The following FARS2 variants were observed in gnomAD, a reference collection of about 807,000 sequenced individuals.
FARS2 encodes the protein phenylalanine--tRNA ligase, mitochondrial.
Under a neutral mutation model 46.4 loss-of-function variants are expected in FARS2, and 40 were observed. The observed-to-expected ratio is 0.86, with a 90% CI of 0.67 to 1.12. The LOEUF (loss-of-function observed/expected upper bound fraction) is 1.12. Among genes scored for constraint, FARS2 ranks in the 50% most tolerant of loss-of-function variants. The pLI, the probability that FARS2 is intolerant of heterozygous loss-of-function variation, is 0.00. For missense variants in FARS2, 513 were observed against 567.9 expected, an observed-to-expected ratio of 0.90 and a Z score of 0.98; for synonymous variants, 234 against 214.9, an observed-to-expected ratio of 1.09 and a Z score of -0.78.
At chr6:5,724,908 G>T (rs1433178830) in intron 6 of FARS2, among the ~76,000 whole-genome samples, 9 of 152,236 alleles carry the variant, frequency 5.9e-5, no homozygotes, top group Non-Finnish European at 1.2e-4. Flanking sequence ...ACCATGCCAG[G>T]CAGCAGACAA....
intron 4 of FARS2, among the ~76,000 whole-genome samples, chr6:5,455,752 AG>A (rs1392870586): frequency 6.6e-6 from 1 of 152,176 alleles, no homozygotes; most frequent in Non-Finnish European, 1.5e-5. Context: ...CCTGGACAAT[AG>A]TTTTTTAACT....
chr6:5,328,674 G>A (rs1387472736), intron 1 of FARS2, among the ~76,000 whole-genome samples: 2 of 151,830 alleles, frequency 1.3e-5, no homozygotes, highest in African/African-American at 4.8e-5. Flanking sequence ...ATGGTATCTC[G>A]GTGACTCCTA....
chr6:5,754,120 C>T (rs1282379821), intron 6 of FARS2, among the ~76,000 whole-genome samples: 1 of 152,082 alleles, frequency 6.6e-6, no homozygotes, highest in Non-Finnish European at 1.5e-5. Flanking sequence ...TTATTTTGTT[C>T]CAGGCACTGT....
At chr6:5,282,604 C>T (rs1435515583) in intron 1 of FARS2, among the ~76,000 whole-genome samples, 1 of 152,144 alleles carries the variant, frequency 6.6e-6, no homozygotes, top group Non-Finnish European at 1.5e-5. Flanking sequence ...CGATTTAGTC[C>T]CTGGAAGAGA....
intron 4 of FARS2, among the ~76,000 whole-genome samples, chr6:5,445,590 G>GT (rs1764137727): frequency 6.6e-6 from 1 of 152,158 alleles, no homozygotes. Flanking sequence ...ATATTACTGG[G>GT]TGATTCTCAG....
At chr6:5,741,449 G>T (rs911813673) in intron 6 of FARS2, among the ~76,000 whole-genome samples, 1 of 152,142 alleles carries the variant, frequency 6.6e-6, no homozygotes, top group Non-Finnish European at 1.5e-5. Context: ...CTATGTACAG[G>T]ATTAGAATGC....
At chr6:5,669,448 C>G (rs185677207) in intron 6 of FARS2, among the ~76,000 whole-genome samples, 1 of 151,500 alleles carries the variant, frequency 6.6e-6, no homozygotes, top group East Asian at 1.9e-4. Flanking sequence ...GTTAGTGTGC[C>G]TCAAGATAAG....
chr6:5,303,745 A>G (rs1295062378), intron 1 of FARS2, among the ~76,000 whole-genome samples: 1 of 152,038 alleles, frequency 6.6e-6, no homozygotes. Flanking sequence ...TAACCAAATG[A>G]TTGTACAGCC....
chr6:5,490,014 C>T (rs1767006326), intron 4 of FARS2, among the ~76,000 whole-genome samples: 1 of 152,108 alleles, frequency 6.6e-6, no homozygotes, highest in Non-Finnish European at 1.5e-5. Flanking sequence ...ACAGAGAGTT[C>T]TCTCACCCTA....
chr6:5,748,274 C>T (rs1761750414), intron 6 of FARS2, among the ~76,000 whole-genome samples: 1 of 152,174 alleles, frequency 6.6e-6, no homozygotes, highest in Non-Finnish European at 1.5e-5. Context: ...AAAATGACAC[C>T]TCTCATTTTT....
At position 5,370,738 on chromosome 6, in the gene FARS2, G is replaced by A. The variant is rs189907728; in HGVS notation, c.612+1556G>A. ...AGGCTGCCACAGAAGATGGGAAATAGGAAGTGGATAGGAAATTAGCCTTCA... is the reference window on the plus strand; with the variant it reads ...AGGCTGCCACAGAAGATGGGAAATAAGAAGTGGATAGGAAATTAGCCTTCA... On this transcript the variant is annotated intron_variant, in intron 2 of 6. Transcript: ENST00000274680. 3.9e-4 allele frequency among the ~76,000 whole-genome samples: 60 copies of A among 152,314 alleles called. 1 individual carries two copies. The highest frequency in any genetic ancestry group is 3.4e-3 in the Middle Eastern group (1 of 294).
chr6:5,658,746 A>G (rs1324845298), intron 6 of FARS2, among the ~76,000 whole-genome samples: 2 of 152,208 alleles, frequency 1.3e-5, no homozygotes, highest in African/African-American at 2.4e-5. Context: ...TTTCAAGGAG[A>G]TGAATTCTAG....
At chr6:5,503,351 A>G (rs1184810726) in intron 4 of FARS2, among the ~76,000 whole-genome samples, 1 of 149,966 alleles carries the variant, frequency 6.7e-6, no homozygotes, top group Non-Finnish European at 1.5e-5. Flanking sequence ...GAAATTGCTA[A>G]GAGTAGATTT....
At chr6:5,500,994 G>GT (rs1767768571) in intron 4 of FARS2, among the ~76,000 whole-genome samples, 1 of 151,108 alleles carries the variant, frequency 6.6e-6, no homozygotes, top group African/African-American at 2.4e-5. Context: ...TCTTGTTCTT[G>GT]TTTTGGGAGA....
rs529203312 is a variant in FARS2 at position 5,764,666 on chromosome 6, C to T, written c.1218-6625C>T. On this transcript the variant is annotated intron_variant, in intron 6 of 6. Transcript: ENST00000274680. This position sits in a 1 kb window ranked among gnomAD's most constrained non-coding sequence, Gnocchi z 4.1. The stretch of plus-strand genomic sequence containing the variant: ...TCTATTCTGGGAGGTGTTGAGCGCA[C>T]CATCCAAGAACATGAAGTCGCTGCT... Among the ~76,000 whole-genome samples the T allele has an allele frequency of 6.6e-6, 1 of 152,132 alleles. No individual in the cohort carries two copies. Among genetic ancestry groups the T allele is most frequent in the Non-Finnish European group, 1.5e-5 (1 of 68,032 alleles).
At chr6:5,620,858 G>A (rs1775735167) in intron 6 of FARS2, among the ~76,000 whole-genome samples, 1 of 152,228 alleles carries the variant, frequency 6.6e-6, no homozygotes, top group Non-Finnish European at 1.5e-5. Context: ...TAGCCACGTG[G>A]GTCAGGTGGA....
chr6:5,645,572 C>T (rs563733274), intron 6 of FARS2, among the ~76,000 whole-genome samples: 4 of 152,174 alleles, frequency 2.6e-5, no homozygotes, highest in Admixed American at 6.5e-5. Flanking sequence ...GCCATTTTCC[C>T]GCTTCTCCAT....
intron 6 of FARS2, among the ~76,000 whole-genome samples, chr6:5,695,919 A>G (rs1328166651): frequency 6.6e-6 from 1 of 152,232 alleles, no homozygotes; most frequent in African/African-American, 2.4e-5. Context: ...ACTCTTCAAC[A>G]GTCGGTGAGC....
At chr6:5,401,786 A>G (rs750853570) in intron 2 of FARS2, among the ~76,000 whole-genome samples, 1 of 152,098 alleles carries the variant, frequency 6.6e-6, no homozygotes, top group Non-Finnish European at 1.5e-5. Flanking sequence ...ATGTGGCTTC[A>G]TTGTTGTCTT....
Sources: gnomAD v4.1 joint callset for allele counts (sites outside exome capture counted in the v4.1 genomes callset) on GRCh38, gnomAD v4.1.1 for gene constraint, Gnocchi (gnomAD v3.1) non-coding constraint, MANE v1.5 for transcripts, NCBI Gene and HGNC (gene_info 2026-07-23, HGNC 2026-07-21) for gene names.